The following FTO variants were observed in gnomAD, a reference collection of about 807,000 sequenced individuals.
FTO encodes the protein FTO alpha-ketoglutarate dependent dioxygenase, also known as alpha-ketoglutarate-dependent dioxygenase FTO.
FTO carries 47 observed loss-of-function variants against 63.9 expected under a neutral mutation model. The ratio of observed to expected loss-of-function variants is 0.74; its 90% confidence interval spans 0.58 to 0.94. FTO has a LOEUF of 0.94. Among genes scored for constraint, FTO ranks in the 40% least tolerant of loss-of-function variants. FTO has a pLI of 0.00. For missense variants in FTO, 562 were observed against 618.1 expected, an observed-to-expected ratio of 0.91 and a Z score of 0.96; for synonymous variants, 207 against 224.4, an observed-to-expected ratio of 0.92 and a Z score of 0.69.
intron 2 of FTO, among the ~76,000 whole-genome samples, chr16:53,822,755 A>T (rs1387026170): frequency 6.6e-6 from 1 of 152,122 alleles, no homozygotes; most frequent in Non-Finnish European, 1.5e-5. Flanking sequence ...TTCATTTTAT[A>T]TTAAAAATAA....
chr16:53,894,526 T>G (rs929127796), intron 7 of FTO, among the ~76,000 whole-genome samples: 2 of 152,212 alleles, frequency 1.3e-5, no homozygotes, highest in Non-Finnish European at 2.9e-5. Flanking sequence ...AAGTTTATTT[T>G]AAACTTCCTT....
intron 8 of FTO, among the ~76,000 whole-genome samples, chr16:54,015,755 C>T (rs1428296924): frequency 2.6e-5 from 4 of 152,112 alleles, no homozygotes; most frequent in Non-Finnish European, 4.4e-5. Context: ...CTGTGAAGCG[C>T]GGGTACTTTA....
chr16:54,006,398 A>G (rs1232758296), intron 8 of FTO, among the ~76,000 whole-genome samples: 1 of 152,240 alleles, frequency 6.6e-6, no homozygotes, highest in Non-Finnish European at 1.5e-5. Context: ...TGGTAGTTCA[A>G]GCAGTCTTTA....
intron 1 of FTO, among the ~76,000 whole-genome samples, chr16:53,767,531 T>G (rs2077238046): frequency 6.6e-6 from 1 of 151,972 alleles, no homozygotes; most frequent in Admixed American, 6.5e-5. Flanking sequence ...AATAAAATAC[T>G]ATAATCTGAC....
chr16:54,034,754 T>C (rs1325857257), intron 8 of FTO, among the ~76,000 whole-genome samples: 1 of 152,210 alleles, frequency 6.6e-6, no homozygotes, highest in African/African-American at 2.4e-5. Context: ...TGCACATAAG[T>C]TAGCTTGAAT....
chr16:53,831,133 T>C (rs1457748323), intron 3 of FTO, among the ~76,000 whole-genome samples: 1 of 152,224 alleles, frequency 6.6e-6, no homozygotes, highest in Admixed American at 6.5e-5. Context: ...ACTTGCTCTA[T>C]ATTTCTCAGC....
chr16:53,822,076 G>A (rs1339891243), intron 2 of FTO, among the ~76,000 whole-genome samples: 1 of 152,088 alleles, frequency 6.6e-6, no homozygotes, highest in African/African-American at 2.4e-5. Context: ...CCATCCTGAG[G>A]GGACCAGGAA....
At chr16:53,763,976 C>A (rs1598602229) in intron 1 of FTO, among the ~76,000 whole-genome samples, 1 of 152,144 alleles carries the variant, frequency 6.6e-6, no homozygotes, top group African/African-American at 2.4e-5. Context: ...GGATTTAAAT[C>A]CTGTCTTTGC....
chr16:54,088,773 T>A (rs1369897592), intron 8 of FTO, among the ~76,000 whole-genome samples: 2 of 152,236 alleles, frequency 1.3e-5, no homozygotes, highest in African/African-American at 4.8e-5. Context: ...GATCAGACCA[T>A]GTCCCTTGAA....
chr16:53,748,144 T>C (rs1247994937), intron 1 of FTO, among the ~76,000 whole-genome samples: 1 of 152,224 alleles, frequency 6.6e-6, no homozygotes, highest in Non-Finnish European at 1.5e-5. Flanking sequence ...CAGGGTTTTT[T>C]CTTGTGTGTG....
intron 2 of FTO, among the ~76,000 whole-genome samples, chr16:53,821,015 T>C (rs2078852219): frequency 6.6e-6 from 1 of 152,132 alleles, no homozygotes; most frequent in Non-Finnish European, 1.5e-5. Context: ...TGTCAAGGTA[T>C]TTACAGATGA....
At chr16:53,721,446 A>G (rs564068321) in intron 1 of FTO, among the ~76,000 whole-genome samples, 2 of 152,294 alleles carry the variant, frequency 1.3e-5, no homozygotes, top group South Asian at 2.1e-4. Context: ...TTTTTTCTCA[A>G]TTGGATGAAA....
Position 53,957,311 on chromosome 16 carries a change from C to T in FTO, c.1364+23202C>T, listed in dbSNP as rs780124278. On this transcript the variant is annotated intron_variant, in intron 8 of 8. Transcript: ENST00000471389. ...TTCAGCATTAGAACTCTCTTTGCAA[C>T]GCACTTCCTCCACTTGGCTTGGTGA... is the stretch of plus-strand genomic sequence containing the variant. Among the ~76,000 whole-genome samples the T allele has an allele frequency of 4.6e-5, 7 of 152,190 alleles. No individual in the cohort carries two copies. The East Asian group carries it at 5.8e-4, about 13-fold the overall frequency.
chr16:53,809,234 A>G (rs999739716), intron 1 of FTO, among the ~76,000 whole-genome samples: 4 of 152,204 alleles, frequency 2.6e-5, no homozygotes, highest in Non-Finnish European at 5.9e-5. Context: ...GCTTCATGGA[A>G]TTGGAAAAGA....
intron 4 of FTO, among the ~76,000 whole-genome samples, chr16:53,869,466 T>C (rs1158593810): frequency 6.6e-6 from 1 of 152,018 alleles, no homozygotes; most frequent in Non-Finnish European, 1.5e-5. Flanking sequence ...TTTCTTCTGT[T>C]CCTTTCCCTC....
intron 8 of FTO, among the ~76,000 whole-genome samples, chr16:53,971,539 TACA>T (rs2083316660): frequency 6.6e-6 from 1 of 152,282 alleles, no homozygotes; most frequent in South Asian, 2.1e-4. Context: ...TATTTGTTCT[TACA>T]ACATCTGTAT....
chr16:54,065,002 G>A (rs1050955573), intron 8 of FTO, among the ~76,000 whole-genome samples: 5 of 152,140 alleles, frequency 3.3e-5, no homozygotes, highest in African/African-American at 9.7e-5. Flanking sequence ...CCTGGAAGTG[G>A]TCTGGCCCCC....
At position 54,081,578 on chromosome 16, in the gene FTO, G is replaced by A. The variant is rs188060164; in HGVS notation, c.1365-30184G>A. Reference sequence around the variant, plus strand: ...AAACCCTTGTGTCAATAGCCAAAGAGGAATCAGATTTGAAGCCAAAATAAC... The same window carrying A: ...AAACCCTTGTGTCAATAGCCAAAGAAGAATCAGATTTGAAGCCAAAATAAC... On this transcript the variant is annotated intron_variant, in intron 8 of 8. Coordinates refer to ENST00000471389, the MANE Select transcript of FTO (RefSeq NM_001080432.3). 1.4e-4 allele frequency among the ~76,000 whole-genome samples: 21 copies of A among 152,222 alleles called. No individual in the cohort carries two copies. The East Asian group carries it at 3.9e-3, about 28-fold the overall frequency.
chr16:53,867,759 T>A (rs929936745), intron 4 of FTO, among the ~76,000 whole-genome samples: 4 of 152,174 alleles, frequency 2.6e-5, no homozygotes, highest in African/African-American at 7.2e-5. Flanking sequence ...AATGATTTTC[T>A]GCCTGCTGTA....
Sources: gnomAD v4.1 joint callset for allele counts (sites outside exome capture counted in the v4.1 genomes callset) on GRCh38, gnomAD v4.1.1 for gene constraint, MANE v1.5 for transcripts, NCBI Gene and HGNC (gene_info 2026-07-23, HGNC 2026-07-21) for gene names.